The following GK5 variants were observed in gnomAD, a reference collection of about 807,000 sequenced individuals.
The protein encoded by GK5 is glycerol kinase 5.
In GK5, 39 loss-of-function variants were observed where a neutral mutation model predicts 77.3. The observed-to-expected ratio is 0.50, with a 90% CI of 0.39 to 0.66. GK5 has a LOEUF of 0.66. Ranked by LOEUF, GK5 falls within the 30% of genes least tolerant of loss-of-function variation. GK5 has a pLI of 0.00. For synonymous variants in GK5, 211 were observed against 208.0 expected, an observed-to-expected ratio of 1.01 and a Z score of -0.13; for missense variants, 487 against 633.8, an observed-to-expected ratio of 0.77 and a Z score of 2.49.
chr3:142,171,290 T>C, intron 14 of GK5, 129 bp downstream of exon 14: 1 of 864,740 alleles, frequency 1.2e-6, no homozygotes, highest in Non-Finnish European at 1.6e-6. Context: ...GCAGAAATTA[T>C]TTTTGAAATC....
At chr3:142,203,579 C>A (rs2064060740) in intron 4 of GK5, among the ~76,000 whole-genome samples, 1 of 152,148 alleles carries the variant, frequency 6.6e-6, no homozygotes, top group South Asian at 2.1e-4. Context: ...TCGAGACCAT[C>A]CTGACTAACA....
chr3:142,204,123 A>G (rs1258965270), intron 4 of GK5: 1 of 164,596 alleles, frequency 6.1e-6, no homozygotes, highest in Non-Finnish European at 1.3e-5. Flanking sequence ...GGCTCAAACA[A>G]TCCTCTCACC....
chr3:142,211,668 C>T (rs1358695727), intron 3 of GK5, among the ~76,000 whole-genome samples: 2 of 152,132 alleles, frequency 1.3e-5, no homozygotes, highest in East Asian at 3.9e-4. Flanking sequence ...GTGGTACACA[C>T]CTATAGTCCT....
intron 2 of GK5, 23 bp downstream of exon 2, chr3:142,215,573 ATTG>A: frequency 8.2e-7 from 1 of 1,226,002 alleles, no homozygotes; most frequent in East Asian, 2.4e-5. Context: ...CATAAAGATT[ATTG>A]TTATTTTTAT....
intron 5 of GK5, among the ~76,000 whole-genome samples, chr3:142,196,915 C>T (rs920892395): frequency 2.0e-5 from 3 of 152,154 alleles, no homozygotes; most frequent in Non-Finnish European, 4.4e-5. Flanking sequence ...GGGTCAAGCG[C>T]GGTGGCTCTC....
Position 142,162,653 on chromosome 3 carries a change from A to AT in GK5, c.*2968dup, listed in dbSNP as rs1238934819. On this transcript the variant is annotated 3_prime_UTR_variant, in exon 16 of 16. Transcript: ENST00000392993. Reference sequence around the variant, plus strand: ...TAAAACATGCTGAGAAGTAGCACAAATTTTTCTAAACTTCAAATATTAGCA... The same window carrying AT: ...TAAAACATGCTGAGAAGTAGCACAAATTTTTTCTAAACTTCAAATATTAGCA... 1.3e-5 allele frequency: 2 copies of AT among 152,266 alleles called. No individual in the cohort carries two copies. The highest frequency in any genetic ancestry group is 3.9e-4 in the East Asian group (2 of 5,184). The allele number at this position is 152,266 out of a possible 1,614,324, so 9.4% of individuals were successfully genotyped here.
chr3:142,196,969 C>G (rs906627933), intron 5 of GK5, among the ~76,000 whole-genome samples: 3 of 152,060 alleles, frequency 2.0e-5, no homozygotes, highest in Non-Finnish European at 4.4e-5. Flanking sequence ...AGGTGGATCA[C>G]GAGGTCAGGA....
chr3:142,199,192 TA>T (rs200622590), intron 4 of GK5, among the ~76,000 whole-genome samples: 5 of 151,058 alleles, frequency 3.3e-5, no homozygotes, highest in Non-Finnish European at 7.4e-5. Context: ...TAAACTTTTT[TA>T]AAAAAAAACA....
intron 10 of GK5, among the ~76,000 whole-genome samples, chr3:142,181,793 C>T (rs560556900): frequency 5.3e-5 from 8 of 152,226 alleles, no homozygotes; most frequent in South Asian, 4.1e-4. Context: ...CAGAGAGCTA[C>T]GAAATGAACA....
rs1489464903 is a variant in GK5, at chr3:142,170,356, C to A, written c.1410G>T (p.Leu470=). The A allele has an allele frequency of 6.2e-6, 10 of 1,614,082 alleles. No individual in the cohort carries two copies. The highest frequency in any genetic ancestry group is 8.5e-6 in the Non-Finnish European group (10 of 1,180,014). The change falls in exon 15 of 16, where the codon CTG becomes CTT. Residue 470 remains leucine, a synonymous_variant. Transcript: ENST00000392993. ...CAAGGCCAGCTAGAGAAGCTGCACC[C>A]AGGCATGACATGTCAATGTCGGCAG... ...DRPADIDMSC[L]GAASLAGLAV...
chr3:142,190,800 C>A (rs1405817413), intron 5 of GK5, among the ~76,000 whole-genome samples: 1 of 152,020 alleles, frequency 6.6e-6, no homozygotes, highest in Non-Finnish European at 1.5e-5. Flanking sequence ...AATTAATGAT[C>A]CCTCCTTCTA....
intron 9 of GK5, 169 bp downstream of exon 9, chr3:142,185,760 A>G (rs780502526): frequency 2.6e-6 from 4 of 1,558,842 alleles, no homozygotes; most frequent in South Asian, 1.2e-5. Context: ...CCAAAAATAT[A>G]GCAGATATTC....
intron 12 of GK5, chr3:142,173,056 TA>T (rs1473180750): frequency 7.0e-6 from 2 of 284,996 alleles, no homozygotes; most frequent in Non-Finnish European, 1.4e-5. Flanking sequence ...CTTTAAATAT[TA>T]GCTGGGTGTG....
At chr3:142,193,488 A>C (rs1353439860) in intron 5 of GK5, among the ~76,000 whole-genome samples, 1 of 151,506 alleles carries the variant, frequency 6.6e-6, no homozygotes, top group Admixed American at 6.6e-5. Context: ...TGCTACAAAA[A>C]AAAAAAAACA....
chr3:142,186,537 CATTT>C, intron 6 of GK5, 24 bp from the exon 7 acceptor site: 3 of 1,109,306 alleles, frequency 2.7e-6, no homozygotes, highest in Non-Finnish European at 3.9e-6. Flanking sequence ...GGAAATAATA[CATTT>C]ATTATCAGAT....
rs1017841085 is a variant in GK5 at position 142,162,682 on chromosome 3, A to G, written c.*2940T>C. 1 of 152,174 alleles carries G rather than the reference A, an allele frequency of 6.6e-6. No individual in the cohort carries two copies. The highest frequency in any genetic ancestry group is 2.4e-5 in the African/African-American group (1 of 41,446). The allele number at this position is 152,174 out of a possible 1,614,324, so 9.4% of individuals were successfully genotyped here. On this transcript the variant is annotated 3_prime_UTR_variant, in exon 16 of 16. Transcript: ENST00000392993. ...TTCTAAACTTCAAATATTAGCATAC[A>G]AATGAAAAACAAACTTGGAAGACAG...
intron 12 of GK5, chr3:142,173,067 G>A (rs965472259): frequency 3.2e-6 from 1 of 316,158 alleles, no homozygotes; most frequent in Non-Finnish European, 6.3e-6. Flanking sequence ...AGCTGGGTGT[G>A]ATACACACCT....
rs574604557 is a variant in GK5, at chr3:142,175,237, G to A, written c.1143+2245C>T. ...TTCAGTATCCCACTCCCCAAACCACGAGCCCTGCTAGAGGAAAGCCATAAT... is the reference window on the plus strand; with the variant it reads ...TTCAGTATCCCACTCCCCAAACCACAAGCCCTGCTAGAGGAAAGCCATAAT... On this transcript the variant is annotated intron_variant, in intron 12 of 15. Transcript: ENST00000392993. Among the ~76,000 whole-genome samples, 13 of 152,164 alleles carry A rather than the reference G, an allele frequency of 8.5e-5. No homozygotes were observed. In the South Asian group the frequency reaches 1.7e-3, roughly 19 times the overall value.
chr3:142,223,548 C>G (rs1047521683), intron 1 of GK5, among the ~76,000 whole-genome samples: 1 of 152,162 alleles, frequency 6.6e-6, no homozygotes, highest in Non-Finnish European at 1.5e-5. Flanking sequence ...GTCCTGAAAC[C>G]TGAATGGAGG....
Sources: allele counts gnomAD v4.1 joint callset (sites outside exome capture counted in the v4.1 genomes callset), GRCh38; gene constraint gnomAD v4.1.1; transcripts MANE v1.5; gene names NCBI Gene and HGNC (gene_info 2026-07-23, HGNC 2026-07-21).